Variants in PRDM16 observed in about 807,000 individuals in gnomAD.
PRDM16 encodes the protein PR/SET domain 16.
PRDM16 carries 23 observed loss-of-function variants against 110.6 expected under a neutral mutation model. That is an observed-to-expected ratio of 0.21 (90% CI 0.15 to 0.29). PRDM16 has a LOEUF of 0.29. Among genes scored for constraint, PRDM16 ranks in the 10% least tolerant of loss-of-function variants. PRDM16 has a pLI of 1.00. For missense variants in PRDM16, 1,615 were observed against 1,794.3 expected (o/e 0.90, Z 1.81); for synonymous variants, 799 against 781.8 (o/e 1.02, Z -0.37).
rs1458328866 is a variant in PRDM16, at chr1:3,069,791, C to A, written c.37+495C>A. 6.6e-6 allele frequency among the ~76,000 whole-genome samples: 1 copy of A among 152,042 alleles called. No individual in the cohort carries two copies. Among genetic ancestry groups the A allele is most frequent in the East Asian group, 2.0e-4 (1 of 5,116 alleles). ...TGAAATAGTGGGCGCTAGAGCACCG[C>A]CTTTGGCGTCCGCCAGCCGGGCGCA... On this transcript the variant is annotated intron_variant, in intron 1 of 16. Coordinates refer to ENST00000270722, the MANE Select transcript of PRDM16 (RefSeq NM_022114.4). This position sits in a 1 kb window ranked among gnomAD's most constrained non-coding sequence, Gnocchi z 6.1.
intron 1 of PRDM16, among the ~76,000 whole-genome samples, chr1:3,169,932 C>T (rs2651935): frequency 0.18 from 28,063 of 152,306 alleles, 3,086 homozygotes; most frequent in African/African-American, 0.3. Context: ...GCGGCCCGCG[C>T]GCTCCGAGTA....
At chr1:3,156,700 T>C (rs1211277154) in intron 1 of PRDM16, among the ~76,000 whole-genome samples, 1 of 152,198 alleles carries the variant, frequency 6.6e-6, no homozygotes, top group Non-Finnish European at 1.5e-5. Flanking sequence ...CAGAGAAGCC[T>C]CCGTCCTTCA....
At chr1:3,392,142 G>A (rs115622686) in intron 4 of PRDM16, among the ~76,000 whole-genome samples, 2,963 of 152,316 alleles carry the variant, frequency 0.019, 40 homozygotes, top group South Asian at 0.037. Flanking sequence ...GAGGCAGACC[G>A]GGTCACCAGG....
chr1:3,225,125 T>C (rs1181492071), intron 2 of PRDM16, among the ~76,000 whole-genome samples: 1 of 151,472 alleles, frequency 6.6e-6, no homozygotes, highest in Non-Finnish European at 1.5e-5. Context: ...TAAGGTCATA[T>C]ATGCTTGGCA....
chr1:3,127,630 C>T (rs1255723235), intron 1 of PRDM16, among the ~76,000 whole-genome samples: 1 of 152,248 alleles, frequency 6.6e-6, no homozygotes, highest in African/African-American at 2.4e-5. Flanking sequence ...TACAGATGCT[C>T]AGGGCCACTG....
At chr1:3,377,895 A>C (rs1442341216) in intron 3 of PRDM16, among the ~76,000 whole-genome samples, 1 of 152,164 alleles carries the variant, frequency 6.6e-6, no homozygotes, top group Admixed American at 6.5e-5. Context: ...CCCACTTCTT[A>C]TCTGTACTGG....
At chr1:3,297,033 A>T (rs537222150) in intron 3 of PRDM16, among the ~76,000 whole-genome samples, 208 of 152,352 alleles carry the variant, frequency 1.4e-3, no homozygotes, top group African/African-American at 4.9e-3. Context: ...CTGTACTGAA[A>T]GTAAAAACCA....
intron 1 of PRDM16, among the ~76,000 whole-genome samples, chr1:3,083,144 CG>C (rs1181188147): frequency 1.3e-5 from 2 of 152,192 alleles, no homozygotes; most frequent in African/African-American, 4.8e-5. Context: ...AGAGCAGAGC[CG>C]GGCAGGCTCC....
At chr1:3,161,093 C>T (rs572006114) in intron 1 of PRDM16, among the ~76,000 whole-genome samples, 7 of 152,302 alleles carry the variant, frequency 4.6e-5, no homozygotes, top group African/African-American at 1.7e-4. Context: ...CACTCCCTGC[C>T]CCAGCCCTTT....
chr1:3,179,511 A>G (rs1042891048), intron 1 of PRDM16, among the ~76,000 whole-genome samples: 1 of 152,224 alleles, frequency 6.6e-6, no homozygotes, highest in African/African-American at 2.4e-5. Context: ...CGGGCACCTG[A>G]GAGGCTGTGA....
chr1:3,181,872 ACGGTCT>A (rs1644211358), intron 1 of PRDM16, among the ~76,000 whole-genome samples: 21 of 94,046 alleles, frequency 2.2e-4, no homozygotes, highest in African/African-American at 2.8e-4. Context: ...AGTCTTACAC[ACGGTCT>A]TGCACACGCA....
At chr1:3,338,507 C>T (rs1050365467) in intron 3 of PRDM16, among the ~76,000 whole-genome samples, 3 of 152,204 alleles carry the variant, frequency 2.0e-5, no homozygotes, top group Non-Finnish European at 1.5e-5. Flanking sequence ...AGGCTCCTTT[C>T]CAAGTGGGGA....
chr1:3,226,437 T>C (rs1639290522), intron 2 of PRDM16, among the ~76,000 whole-genome samples: 1 of 152,142 alleles, frequency 6.6e-6, no homozygotes, highest in Non-Finnish European at 1.5e-5. Flanking sequence ...TCTGGCCCCA[T>C]CTTGGCCGTC....
intron 3 of PRDM16, among the ~76,000 whole-genome samples, chr1:3,257,458 T>G (rs796822561): frequency 9.9e-5 from 15 of 152,280 alleles, no homozygotes; most frequent in African/African-American, 3.6e-4. Flanking sequence ...CTCAAGTTTT[T>G]ACCACAAGCA....
chr1:3,133,196 G>A (rs914456827), intron 1 of PRDM16: 1 of 152,296 alleles, frequency 6.6e-6, no homozygotes, highest in Non-Finnish European at 1.5e-5. Context: ...GGAGACTCAG[G>A]TTCCAGGGCA....
intron 3 of PRDM16, among the ~76,000 whole-genome samples, chr1:3,301,052 C>T (rs1485062710): frequency 2.0e-5 from 3 of 152,090 alleles, no homozygotes; most frequent in African/African-American, 2.4e-5. Context: ...ATGTTTGGGC[C>T]GGGCACAGTG....
intron 4 of PRDM16, among the ~76,000 whole-genome samples, chr1:3,391,240 A>C (rs1328339559): frequency 6.6e-6 from 1 of 152,092 alleles, no homozygotes; most frequent in Non-Finnish European, 1.5e-5. Flanking sequence ...AATGGGCGGG[A>C]GGAGGGCAGG....
intron 3 of PRDM16, among the ~76,000 whole-genome samples, chr1:3,363,960 G>A (rs765368211): frequency 3.3e-5 from 5 of 151,166 alleles, no homozygotes; most frequent in Admixed American, 1.3e-4. Context: ...GTTAAAGGCA[G>A]CGCCCCCCGC....
chr1:3,296,188 C>T lies in PRDM16; in HGVS notation c.438+52051C>T, dbSNP rs774611160. Reference sequence around the variant, plus strand: ...TGGAGCGTCCTGGGGAAGTGGCTGTCGGCTTGGTTAATGGGTCCCTGCTGG... The same window carrying T: ...TGGAGCGTCCTGGGGAAGTGGCTGTTGGCTTGGTTAATGGGTCCCTGCTGG... On this transcript the variant is annotated intron_variant, in intron 3 of 16. Coordinates refer to ENST00000270722, the MANE Select transcript of PRDM16 (RefSeq NM_022114.4). Among the ~76,000 whole-genome samples, 4 of 152,170 alleles carry T rather than the reference C, an allele frequency of 2.6e-5. 1 individual carries two copies. The highest frequency in any genetic ancestry group is 4.1e-4 in the South Asian group (2 of 4,832).
Sources: allele counts gnomAD v4.1 joint callset (sites outside exome capture counted in the v4.1 genomes callset), GRCh38; gene constraint gnomAD v4.1.1; non-coding constraint Gnocchi (gnomAD v3.1); transcripts MANE v1.5; gene names NCBI Gene and HGNC (gene_info 2026-07-23, HGNC 2026-07-21).